Variants in KAZN observed in about 807,000 individuals in gnomAD.
KAZN encodes kazrin.
In KAZN, 40 loss-of-function variants were observed where a neutral mutation model predicts 87.4. The observed-to-expected ratio is 0.46, with a 90% confidence interval of 0.36 to 0.60. The LOEUF is 0.60. Among genes scored for constraint, KAZN ranks in the 20% least tolerant of loss-of-function variants. KAZN has a pLI of 0.00. For synonymous variants in KAZN, 466 were observed against 458.3 expected (o/e 1.02, Z -0.22); for missense variants, 898 against 1,073.9 (o/e 0.84, Z 2.29).
In KAZN at chr1:15,021,817, A is replaced by C. The variant is rs890463033; in HGVS notation, c.419-12932A>C. On this transcript the variant is annotated intron_variant, in intron 2 of 14. Transcript: ENST00000376030. This position sits in a 1 kb window ranked among gnomAD's most constrained non-coding sequence, Gnocchi z 4.2. ...CTCATTGGAAGCCCTGGCTCCTGGC[A>C]TCTGTATGAGTTCGTTTTCATGCTG... Among the ~76,000 whole-genome samples, 16 of 152,026 alleles carry C rather than the reference A, an allele frequency of 1.1e-4. No homozygotes were observed. The highest frequency in any genetic ancestry group is 3.6e-4 in the African/African-American group (15 of 41,388).
chr1:14,503,025 T>G (rs1400391503), intron 2 of KAZN, among the ~76,000 whole-genome samples: 1 of 152,056 alleles, frequency 6.6e-6, no homozygotes, highest in East Asian at 1.9e-4. Flanking sequence ...CAGACCCAAA[T>G]GAATGAACCT....
intron 1 of KAZN, among the ~76,000 whole-genome samples, chr1:14,863,442 G>T (rs1276810036): frequency 6.6e-6 from 1 of 152,222 alleles, no homozygotes; most frequent in African/African-American, 2.4e-5. Flanking sequence ...TTCAAAGACA[G>T]CTTTGAGCAG....
intron 2 of KAZN, among the ~76,000 whole-genome samples, chr1:14,210,438 C>T (rs1366001727): frequency 6.6e-6 from 1 of 152,152 alleles, no homozygotes; most frequent in Non-Finnish European, 1.5e-5. Context: ...TGCACTAATA[C>T]AACACTTACA....
intron 2 of KAZN, among the ~76,000 whole-genome samples, chr1:14,460,377 C>G (rs1667792176): frequency 6.6e-6 from 1 of 152,228 alleles, no homozygotes; most frequent in East Asian, 1.9e-4. Context: ...GCCCTACACA[C>G]AGCTTGGCAG....
intron 2 of KAZN, among the ~76,000 whole-genome samples, chr1:14,202,257 A>G (rs1362049285): frequency 6.6e-6 from 1 of 152,238 alleles, no homozygotes; most frequent in African/African-American, 2.4e-5. Flanking sequence ...TGTCTGGGGT[A>G]GAACTGCAGG....
chr1:14,312,363 C>T (rs901386560), intron 2 of KAZN, among the ~76,000 whole-genome samples: 4 of 152,224 alleles, frequency 2.6e-5, no homozygotes, highest in South Asian at 2.1e-4. Flanking sequence ...GCCGGCCCTG[C>T]GTTAGGGCTT....
At chr1:15,100,200 G>A (rs1204286580) in intron 10 of KAZN, among the ~76,000 whole-genome samples, 1 of 152,216 alleles carries the variant, frequency 6.6e-6, no homozygotes, top group Non-Finnish European at 1.5e-5. Flanking sequence ...GAGAAAGAGG[G>A]GAAGGGGTTA....
chr1:14,354,700 C>T (rs188257063), intron 2 of KAZN, among the ~76,000 whole-genome samples: 6 of 139,432 alleles, frequency 4.3e-5, no homozygotes, highest in Admixed American at 2.1e-4. Context: ...ACAAACCTGA[C>T]AATGCCAAAT....
rs1205620066 is a variant in KAZN, at chr1:14,820,544, C to G, written c.227-140140C>G. ...CTGAACGAAGCTGGAGCGTGCAGAA[C>G]AAACTGCATGGAATGTCACGTGGGG... On this transcript the variant is annotated intron_variant, in intron 1 of 14. Transcript: ENST00000376030. This position sits in a 1 kb window ranked among gnomAD's most constrained non-coding sequence, Gnocchi z 4.1. 6.6e-6 allele frequency among the ~76,000 whole-genome samples: 1 copy of G among 152,260 alleles called. No individual in the cohort carries two copies. Among genetic ancestry groups the G allele is most frequent in the Non-Finnish European group, 1.5e-5 (1 of 68,052 alleles).
intron 1 of KAZN, among the ~76,000 whole-genome samples, chr1:13,914,348 T>A (rs1238471765): frequency 6.6e-6 from 1 of 152,220 alleles, no homozygotes. Flanking sequence ...AACATGGGGA[T>A]AATATTATTG....
At position 14,438,732 on chromosome 1, in the gene KAZN, A is replaced by C. The variant is rs866391358; in HGVS notation, c.250-160251A>C. On this transcript the variant is annotated intron_variant, in intron 2 of 16. Coordinates refer to the KAZN transcript ENST00000636203. ...GGGTTTTGGCTTCTATTCTGAGTGG[A>C]ATTTTCTCTTTACCTTGTGAAATGA... Among the ~76,000 whole-genome samples, 88 of 152,280 alleles carry C rather than the reference A, an allele frequency of 5.8e-4. 1 individual carries two copies. The highest frequency in any genetic ancestry group is 6.8e-3 in the Middle Eastern group (2 of 294).
At chr1:14,131,594 C>A (rs925220551) in intron 1 of KAZN, among the ~76,000 whole-genome samples, 2 of 151,786 alleles carry the variant, frequency 1.3e-5, no homozygotes, top group Non-Finnish European at 2.9e-5. Flanking sequence ...GACTGTGAGG[C>A]GGCGCTAATG....
intron 1 of KAZN, among the ~76,000 whole-genome samples, chr1:14,168,844 T>C (rs968549666): frequency 6.6e-6 from 1 of 152,096 alleles, no homozygotes; most frequent in Admixed American, 6.5e-5. Flanking sequence ...ACCTGGGTTG[T>C]GTGACAAGGA....
At chr1:14,051,696 C>T (rs561506989) in intron 1 of KAZN, among the ~76,000 whole-genome samples, 4 of 152,076 alleles carry the variant, frequency 2.6e-5, no homozygotes, top group Admixed American at 6.6e-5. Context: ...AAAAATTAGC[C>T]GGGTGTGGTG....
At chr1:14,382,805 A>G (rs1233935744) in intron 2 of KAZN, among the ~76,000 whole-genome samples, 1 of 151,392 alleles carries the variant, frequency 6.6e-6, no homozygotes, top group Non-Finnish European at 1.5e-5. Flanking sequence ...TTATAGCAGC[A>G]TGATTTATAG....
At chr1:14,195,526 C>CACAT (rs1164040764) in intron 2 of KAZN, among the ~76,000 whole-genome samples, 9 of 151,430 alleles carry the variant, frequency 5.9e-5, no homozygotes, top group South Asian at 2.1e-4. Flanking sequence ...CACACACACA[C>CACAT]ACACACACAC....
chr1:15,063,859 C>T (rs929673999), intron 7 of KAZN, among the ~76,000 whole-genome samples: 3 of 133,244 alleles, frequency 2.3e-5, no homozygotes, highest in Admixed American at 6.9e-5. Context: ...ATGCCACTTC[C>T]GCTGAGCCCA....
rs1638678496 is a variant in KAZN at position 15,060,303 on chromosome 1, G to A, written c.1047+1G>A. On this transcript the variant is annotated splice_donor_variant, in intron 6 of 14. Transcript: ENST00000376030. LOFTEE classifies it high-confidence loss of function. Reference sequence around the variant, plus strand: ...ACACCGGACACACTCCCTCTGCAACGTAAGGCCAGCAGCAGCGGGGCCTGG... The same window carrying A: ...ACACCGGACACACTCCCTCTGCAACATAAGGCCAGCAGCAGCGGGGCCTGG... 6.2e-7 allele frequency: 1 copy of A among 1,614,122 alleles called. No individual in the cohort carries two copies. The highest frequency in any genetic ancestry group is 8.5e-7 in the Non-Finnish European group (1 of 1,179,972).
intron 1 of KAZN, among the ~76,000 whole-genome samples, chr1:14,047,599 C>T (rs753513399): frequency 1.9e-4 from 29 of 152,128 alleles, no homozygotes; most frequent in Non-Finnish European, 3.5e-4. Flanking sequence ...CCGGGCATGG[C>T]GGCTCAGCCT....
Sources: allele counts gnomAD v4.1 joint callset (sites outside exome capture counted in the v4.1 genomes callset), GRCh38; gene constraint gnomAD v4.1.1; non-coding constraint Gnocchi (gnomAD v3.1); transcripts MANE v1.5; gene names NCBI Gene and HGNC (gene_info 2026-07-23, HGNC 2026-07-21).